Variants in LAMA2 observed in about 807,000 individuals in gnomAD.
The protein encoded by LAMA2 is laminin subunit alpha 2, also known as laminin subunit alpha-2.
In LAMA2, 269 loss-of-function variants were observed where a neutral mutation model predicts 364.8. The observed-to-expected ratio is 0.74, with a 90% CI of 0.67 to 0.82. The LOEUF (loss-of-function observed/expected upper bound fraction) is 0.82. Among genes scored for constraint, LAMA2 ranks in the 40% least tolerant of loss-of-function variants. The pLI is 0.00. For missense variants in LAMA2, 3,807 were observed against 3,873.2 expected (o/e 0.98, Z 0.45); for synonymous variants, 1,379 against 1,370.6 (o/e 1.01, Z -0.14).
intron 40 of LAMA2, among the ~76,000 whole-genome samples, chr6:129,407,663 C>T (rs1395240302): frequency 6.6e-6 from 1 of 152,170 alleles, no homozygotes; most frequent in Non-Finnish European, 1.5e-5. Flanking sequence ...TTATGTATTC[C>T]CTTTGCCTTC....
intron 41 of LAMA2, among the ~76,000 whole-genome samples, chr6:129,436,658 G>A (rs1781847801): frequency 6.6e-6 from 1 of 151,982 alleles, no homozygotes; most frequent in Admixed American, 6.6e-5. Context: ...TTCAAACAAT[G>A]GAATCAATCT....
rs370057081 is a variant in LAMA2 at position 129,448,423 on chromosome 6, C to T, written c.6429+2602C>T. ...ACACAATGCCTTATTTTTTGTAAGA[C>T]GTTAGAAATATGCAAGTAGCCAATT... On this transcript the variant is annotated intron_variant, in intron 45 of 64. Transcript: ENST00000421865. 2.1e-4 allele frequency among the ~76,000 whole-genome samples: 32 copies of T among 152,216 alleles called. No individual in the cohort carries two copies. The East Asian group carries it at 2.1e-3, about 10-fold the overall frequency.
intron 3 of LAMA2, among the ~76,000 whole-genome samples, chr6:129,084,044 G>A (rs4897301): frequency 0.48 from 73,109 of 152,074 alleles, 20,768 homozygotes; most frequent in East Asian, 0.81. Context: ...GGCACAATAA[G>A]CAATGTGTTG....
intron 3 of LAMA2, among the ~76,000 whole-genome samples, chr6:129,085,250 G>C (rs906636748): frequency 2.0e-5 from 3 of 152,180 alleles, no homozygotes; most frequent in Non-Finnish European, 4.4e-5. Flanking sequence ...AAATGGAAAT[G>C]TCTATAGACT....
intron 1 of LAMA2, among the ~76,000 whole-genome samples, chr6:129,025,836 T>C (rs926134136): frequency 1.2e-4 from 18 of 152,192 alleles, no homozygotes; most frequent in African/African-American, 4.1e-4. Context: ...TAGTGATTTC[T>C]TTTTGGTGGA....
In LAMA2 at chr6:129,210,024, A is replaced by AAAAAAAAAAAAAAAAT. The variant is rs200129656; in HGVS notation, c.1782+17172_1782+17173insAAAAAAAAAAAAAATA. Among the ~76,000 whole-genome samples, 221 of 145,226 alleles carry AAAAAAAAAAAAAAAAT rather than the reference A, an allele frequency of 1.5e-3. 3 individuals carry two copies. The highest frequency in any genetic ancestry group is 7.4e-3 in the South Asian group (32 of 4,322). ...ATCTCAAAAAAAAAAAAAAAAAAAA[A>AAAAAAAAAAAAAAAAT]ATTTTTACTATTGACCCTTACTCTG... On this transcript the variant is annotated intron_variant, in intron 12 of 64. Coordinates refer to ENST00000421865, the MANE Select transcript of LAMA2 (RefSeq NM_000426.4).
At chr6:129,157,890 T>C in intron 8 of LAMA2, 1 of 1,614,240 alleles carries the variant, frequency 6.2e-7, no homozygotes, top group Non-Finnish European at 8.5e-7. Flanking sequence ...GTCCAGCACT[T>C]CTGGAGCCAG....
chr6:129,246,520 G>A (rs575287976), intron 12 of LAMA2, among the ~76,000 whole-genome samples: 23 of 152,280 alleles, frequency 1.5e-4, no homozygotes, highest in African/African-American at 5.3e-4. Context: ...TGAACACAGG[G>A]GTAGATAGAT....
At chr6:129,382,710 G>C (rs1471571773) in intron 34 of LAMA2, among the ~76,000 whole-genome samples, 2 of 152,154 alleles carry the variant, frequency 1.3e-5, no homozygotes. Context: ...CAGACAGCCT[G>C]TTTGTCTCTC....
intron 14 of LAMA2, among the ~76,000 whole-genome samples, chr6:129,256,690 C>T (rs368139658): frequency 6.7e-6 from 1 of 148,706 alleles, no homozygotes; most frequent in Non-Finnish European, 1.5e-5. Context: ...AGTTACTGCT[C>T]TTACTCGATG....
intron 40 of LAMA2, among the ~76,000 whole-genome samples, chr6:129,406,451 C>T (rs1219479028): frequency 1.3e-5 from 2 of 152,028 alleles, no homozygotes; most frequent in African/African-American, 4.8e-5. Context: ...GAGGAAAGTA[C>T]TATAAAGCAT....
intron 3 of LAMA2, among the ~76,000 whole-genome samples, chr6:129,079,044 G>A (rs1056053134): frequency 3.9e-5 from 6 of 152,144 alleles, no homozygotes; most frequent in African/African-American, 1.4e-4. Flanking sequence ...GTACATATAT[G>A]GCACATTTTT....
chr6:129,006,038 C>T (rs1206696898), intron 1 of LAMA2, among the ~76,000 whole-genome samples: 4 of 151,820 alleles, frequency 2.6e-5, no homozygotes, highest in Non-Finnish European at 5.9e-5. Context: ...TTATTTTTCG[C>T]TAAACAACAA....
intron 10 of LAMA2, among the ~76,000 whole-genome samples, chr6:129,180,809 C>G (rs1337000939): frequency 6.6e-6 from 1 of 152,082 alleles, no homozygotes; most frequent in African/African-American, 2.4e-5. Flanking sequence ...AGCAAAAGCT[C>G]AAGCTAAACT....
At position 129,401,295 on chromosome 6, in the gene LAMA2, C is replaced by T. The variant is rs566014203; in HGVS notation, c.5517C>T (p.Leu1839=). Residue 1839 remains leucine (L), a synonymous_variant, in exon 38 of 65, where the codon CTC becomes CTT. Transcript: ENST00000421865. ...ENTLKEGNDI[L]DEANRLADEI... is the part of the protein sequence containing the mutation. ...CTTTAAAAGAGGGCAATGACATACT[C>T]GATGAAGCCAACCGTCTTGCAGATG... 2.5e-6 allele frequency: 4 copies of T among 1,612,624 alleles called. No homozygotes were observed. Among genetic ancestry groups the T allele is most frequent in the East Asian group, 4.5e-5 (2 of 44,860 alleles).
intron 1 of LAMA2, among the ~76,000 whole-genome samples, chr6:128,985,865 A>G (rs1783200014): frequency 1.3e-5 from 2 of 152,214 alleles, no homozygotes; most frequent in African/African-American, 2.4e-5. Flanking sequence ...TAATTATTTC[A>G]TCCCATCAAA....
intron 29 of LAMA2, among the ~76,000 whole-genome samples, chr6:129,341,469 A>G (rs1230060001): frequency 6.6e-6 from 1 of 152,188 alleles, no homozygotes; most frequent in Non-Finnish European, 1.5e-5. Context: ...CAACTCTCAA[A>G]TGCAAGGATC....
At chr6:129,168,854 G>C (rs1329539555) in intron 9 of LAMA2, among the ~76,000 whole-genome samples, 1 of 144,424 alleles carries the variant, frequency 6.9e-6, no homozygotes, top group Non-Finnish European at 1.5e-5. Context: ...GCAGTGGTTT[G>C]TAGTTCTCCT....
At chr6:129,028,812 C>G (rs939137393) in intron 1 of LAMA2, among the ~76,000 whole-genome samples, 1 of 151,720 alleles carries the variant, frequency 6.6e-6, no homozygotes, top group African/African-American at 2.4e-5. Flanking sequence ...ATTATCAACC[C>G]TTTATTATTT....
Sources: gnomAD v4.1 joint callset for allele counts (sites outside exome capture counted in the v4.1 genomes callset) on GRCh38, gnomAD v4.1.1 for gene constraint, MANE v1.5 for transcripts, NCBI Gene and HGNC (gene_info 2026-07-23, HGNC 2026-07-21) for gene names.